The following SH3RF3 variants were observed in gnomAD, a reference collection of about 807,000 sequenced individuals.
SH3RF3 encodes the protein SH3 domain containing ring finger 3.
Under a neutral mutation model 66.3 loss-of-function variants are expected in SH3RF3, and 29 were observed. The observed-to-expected ratio is 0.44, with a 90% CI of 0.33 to 0.60. SH3RF3 has a LOEUF of 0.60. Ranked by LOEUF, SH3RF3 falls within the 20% of genes least tolerant of loss-of-function variation. The probability of loss-of-function intolerance (pLI) is 0.04; values close to 1 mark genes in which losing one functional copy is unlikely to be tolerated. For missense variants in SH3RF3, 1,194 were observed against 1,190.9 expected (o/e 1.00, Z -0.04); for synonymous variants, 583 against 532.0 (o/e 1.10, Z -1.32).
At chr2:109,445,518 G>A (rs1677680423) in intron 7 of SH3RF3, among the ~76,000 whole-genome samples, 1 of 152,170 alleles carries the variant, frequency 6.6e-6, no homozygotes, top group Non-Finnish European at 1.5e-5. Context: ...AATATTAAGT[G>A]TAAAGAAAAA....
In SH3RF3 at chr2:109,494,221, G is replaced by C. The variant is rs757570756; in HGVS notation, c.2480+3285G>C. ...AGTCATGGGCATCTCTGATGAATTA[G>C]AAAATTCAGAGACTCACTCCCGTTC... On this transcript the variant is annotated intron_variant, in intron 9 of 9. Transcript: ENST00000309415. 3.3e-5 allele frequency among the ~76,000 whole-genome samples: 5 copies of C among 152,314 alleles called. 1 individual carries two copies. Among genetic ancestry groups the C allele is most frequent in the South Asian group, 4.1e-4 (2 of 4,834 alleles).
chr2:109,379,047 G>C (rs1447430444), intron 3 of SH3RF3, among the ~76,000 whole-genome samples: 1 of 152,170 alleles, frequency 6.6e-6, no homozygotes, highest in East Asian at 1.9e-4. Flanking sequence ...GGAGAGGCTA[G>C]AGAACCCAGA....
At chr2:109,141,010 G>T (rs926820707) in intron 1 of SH3RF3, among the ~76,000 whole-genome samples, 1 of 152,170 alleles carries the variant, frequency 6.6e-6, no homozygotes, top group African/African-American at 2.4e-5. Context: ...CCAGACTCCT[G>T]TTGGGCAGGC....
intron 9 of SH3RF3, among the ~76,000 whole-genome samples, chr2:109,494,984 C>G (rs1679222365): frequency 6.6e-6 from 1 of 151,992 alleles, no homozygotes; most frequent in South Asian, 2.1e-4. Context: ...GTCAGCGAGG[C>G]TGGCAGGCTC....
rs1679108531 is a variant in SH3RF3, at chr2:109,490,774, C to T, written c.2318C>T (p.Ala773Val). ...TCCTCACTGTCCATCCACGGCAGGGCAGGGTCCTGCCCCATAGAGAGCGAG... is the reference window on the plus strand; with the variant it reads ...TCCTCACTGTCCATCCACGGCAGGGTAGGGTCCTGCCCCATAGAGAGCGAG... ...EVSSLSIHGRAGSCPIESEMQ... is the reference protein window; with the variant it reads ...EVSSLSIHGRVGSCPIESEMQ... The change falls in exon 9 of 10, where the codon GCA (alanine) becomes GTA (valine). Residue 773 changes from alanine to valine, a missense_variant. Transcript: ENST00000309415. 4 of 1,536,668 alleles carry T rather than the reference C, an allele frequency of 2.6e-6. No individual in the cohort carries two copies. In the South Asian group the frequency reaches 3.6e-5, roughly 14 times the overall value.
intron 1 of SH3RF3, among the ~76,000 whole-genome samples, chr2:109,157,982 A>G (rs947336011): frequency 6.6e-6 from 1 of 152,198 alleles, no homozygotes; most frequent in Non-Finnish European, 1.5e-5. Flanking sequence ...CTTACTAGTA[A>G]GTAACCCTCC....
chr2:109,352,589 G>T (rs1049882321), intron 2 of SH3RF3, among the ~76,000 whole-genome samples: 1 of 152,258 alleles, frequency 6.6e-6, no homozygotes, highest in Non-Finnish European at 1.5e-5. Context: ...AGATAAGCTT[G>T]TGCGGAGCTC....
chr2:109,392,663 C>T (rs941461946), intron 3 of SH3RF3, among the ~76,000 whole-genome samples: 1 of 152,128 alleles, frequency 6.6e-6, no homozygotes, highest in East Asian at 1.9e-4. Flanking sequence ...GGACTACAGG[C>T]GCCTGCCACC....
chr2:109,306,331 T>C (rs1048469609), intron 1 of SH3RF3, among the ~76,000 whole-genome samples: 118 of 152,326 alleles, frequency 7.7e-4, no homozygotes, highest in African/African-American at 2.7e-3. Flanking sequence ...GACCCCTGTG[T>C]GTCCCTGCCT....
chr2:109,474,514 C>A (rs1678623598), intron 8 of SH3RF3, among the ~76,000 whole-genome samples: 1 of 152,142 alleles, frequency 6.6e-6, no homozygotes, highest in African/African-American at 2.4e-5. Context: ...AGTGGGAGGC[C>A]CTCAGTTGGC....
chr2:109,227,134 C>T (rs751184336), intron 1 of SH3RF3, among the ~76,000 whole-genome samples: 9 of 152,116 alleles, frequency 5.9e-5, no homozygotes, highest in Non-Finnish European at 8.8e-5. Context: ...AGATTCACTC[C>T]GGCTGAGTGA....
At chr2:109,148,261 C>T (rs1362332001) in intron 1 of SH3RF3, among the ~76,000 whole-genome samples, 1 of 152,222 alleles carries the variant, frequency 6.6e-6, no homozygotes, top group Non-Finnish European at 1.5e-5. Context: ...GTGAGATGGG[C>T]CCCGATCATG....
At chr2:109,422,583 T>C (rs1207762983) in intron 5 of SH3RF3, among the ~76,000 whole-genome samples, 1 of 144,118 alleles carries the variant, frequency 6.9e-6, no homozygotes, top group Admixed American at 7.3e-5. Flanking sequence ...CTCTCATTCC[T>C]GCACCCCCTT....
At chr2:109,498,637 T>C (rs1441938917) in intron 9 of SH3RF3, among the ~76,000 whole-genome samples, 1 of 152,164 alleles carries the variant, frequency 6.6e-6, no homozygotes, top group African/African-American at 2.4e-5. Context: ...CCACATTCCC[T>C]AGTTCATTCC....
At chr2:109,426,981 T>A (rs1364564343) in intron 5 of SH3RF3, among the ~76,000 whole-genome samples, 2 of 35,438 alleles carry the variant, frequency 5.6e-5, no homozygotes, top group Non-Finnish European at 1.1e-4. Context: ...TATATATATT[T>A]TTTTTTGAGA....
chr2:109,231,636 C>T (rs1297032564), intron 1 of SH3RF3, among the ~76,000 whole-genome samples: 2 of 152,204 alleles, frequency 1.3e-5, no homozygotes, highest in African/African-American at 4.8e-5. Flanking sequence ...TCTCAGATGA[C>T]ATGTGGCTGA....
At chr2:109,168,770 A>T (rs1193667871) in intron 1 of SH3RF3, among the ~76,000 whole-genome samples, 2 of 152,152 alleles carry the variant, frequency 1.3e-5, no homozygotes, top group Admixed American at 6.5e-5. Flanking sequence ...TGCCTTCTTC[A>T]CAGTAGGAAT....
intron 3 of SH3RF3, among the ~76,000 whole-genome samples, chr2:109,381,471 C>T (rs1292774656): frequency 1.8e-4 from 27 of 152,142 alleles, no homozygotes; most frequent in Admixed American, 1.8e-3. Context: ...CTCACACCTA[C>T]CCTCCGCAGG....
intron 1 of SH3RF3, among the ~76,000 whole-genome samples, chr2:109,340,320 G>A (rs1682531177): frequency 6.6e-6 from 1 of 152,198 alleles, no homozygotes; most frequent in Non-Finnish European, 1.5e-5. Flanking sequence ...CGCAGGTAGA[G>A]GTAGGAGCAG....
Sources: allele counts gnomAD v4.1 joint callset (sites outside exome capture counted in the v4.1 genomes callset), GRCh38; gene constraint gnomAD v4.1.1; transcripts MANE v1.5; gene names NCBI Gene and HGNC (gene_info 2026-07-23, HGNC 2026-07-21).